NRG3: variants seen among roughly 807,000 people sequenced by gnomAD.
The protein encoded by NRG3 is pro-neuregulin-3, membrane-bound isoform.
A neutral mutation model predicts 66.9 loss-of-function variants in NRG3; 31 were observed. The ratio of observed to expected loss-of-function variants is 0.46; its 90% CI spans 0.35 to 0.63. The LOEUF (loss-of-function observed/expected upper bound fraction) is 0.63. Ranked by LOEUF, NRG3 falls within the 20% of genes least tolerant of loss-of-function variation. The pLI, the probability that NRG3 is intolerant of heterozygous loss-of-function variation, is 0.00. For synonymous variants in NRG3, 393 were observed against 359.4 expected, an observed-to-expected ratio of 1.09 and a Z score of -1.06; for missense variants, 910 against 878.9, an observed-to-expected ratio of 1.04 and a Z score of -0.45.
chr10:82,115,811 G>A (rs1317206750), intron 1 of NRG3, among the ~76,000 whole-genome samples: 3 of 152,078 alleles, frequency 2.0e-5, no homozygotes, highest in Non-Finnish European at 2.9e-5. Flanking sequence ...TAAGTACTGG[G>A]TGACTGCTCA....
intron 1 of NRG3, among the ~76,000 whole-genome samples, chr10:82,336,032 G>C (rs757952165): frequency 3.3e-5 from 5 of 152,168 alleles, no homozygotes; most frequent in Non-Finnish European, 5.9e-5. Flanking sequence ...TGCATAAACA[G>C]ATGAGCTCAG....
At chr10:81,964,577 A>G (rs1384453021) in intron 1 of NRG3, among the ~76,000 whole-genome samples, 1 of 152,082 alleles carries the variant, frequency 6.6e-6, no homozygotes, top group African/African-American at 2.4e-5. Context: ...AAAATTTCTG[A>G]CATTGTTCTT....
chr10:82,285,357 A>G (rs984636180), intron 1 of NRG3, among the ~76,000 whole-genome samples: 16 of 152,194 alleles, frequency 1.1e-4, no homozygotes, highest in Non-Finnish European at 2.1e-4. Flanking sequence ...TCCTGGATCA[A>G]TCCCACTTCT....
At chr10:82,790,223 C>G (rs1281462935) in intron 3 of NRG3, among the ~76,000 whole-genome samples, 3 of 152,016 alleles carry the variant, frequency 2.0e-5, no homozygotes, top group Non-Finnish European at 2.9e-5. Context: ...CTGTCCAGTG[C>G]TTTTTCTATT....
At chr10:82,562,237 C>A (rs2045098695) in intron 2 of NRG3, among the ~76,000 whole-genome samples, 1 of 152,160 alleles carries the variant, frequency 6.6e-6, no homozygotes, top group African/African-American at 2.4e-5. Context: ...ATCATAGTTT[C>A]TATCTCTATT....
At position 81,962,585 on chromosome 10, in the gene NRG3, C is replaced by A. The variant is rs190604588; in HGVS notation, c.823+86422C>A. Among the ~76,000 whole-genome samples, 9 of 152,286 alleles carry A rather than the reference C, an allele frequency of 5.9e-5. No individual in the cohort carries two copies. In the East Asian group the frequency reaches 1.7e-3, roughly 29 times the overall value. ...TAATCCCATGTGAGTCAGAGATGTT[C>A]CAGTTATTGACTGCTGCATAACATT... On this transcript the variant is annotated intron_variant, in intron 1 of 8. Coordinates refer to ENST00000372141, the MANE Select transcript of NRG3 (RefSeq NM_001010848.4).
intron 3 of NRG3, among the ~76,000 whole-genome samples, chr10:82,825,618 T>C (rs570416164): frequency 1.6e-3 from 246 of 152,298 alleles, no homozygotes; most frequent in African/African-American, 5.7e-3. Context: ...TTTTCCCAGC[T>C]TTGCTCTAAA....
chr10:82,323,029 A>G (rs543372334), intron 1 of NRG3, among the ~76,000 whole-genome samples: 14 of 152,338 alleles, frequency 9.2e-5, no homozygotes, highest in African/African-American at 3.1e-4. Flanking sequence ...AGAAAAAGGA[A>G]AAAGGAGAAA....
At chr10:82,481,792 C>T (rs1842291682) in intron 2 of NRG3, among the ~76,000 whole-genome samples, 1 of 152,056 alleles carries the variant, frequency 6.6e-6, no homozygotes, top group South Asian at 2.1e-4. Flanking sequence ...CAAAACCAGC[C>T]TGGCTAACAT....
At chr10:81,996,296 G>T (rs183852567) in intron 1 of NRG3, among the ~76,000 whole-genome samples, 1 of 152,216 alleles carries the variant, frequency 6.6e-6, no homozygotes, top group East Asian at 2.0e-4. Context: ...AGTCTATAGT[G>T]TATCCCTTAG....
At chr10:82,862,431 T>A (rs1244480188) in intron 3 of NRG3, among the ~76,000 whole-genome samples, 1 of 152,174 alleles carries the variant, frequency 6.6e-6, no homozygotes, top group African/African-American at 2.4e-5. Context: ...AAAACACCCC[T>A]TAGATGGAGA....
intron 1 of NRG3, among the ~76,000 whole-genome samples, chr10:82,221,581 A>G (rs937218710): frequency 6.6e-6 from 1 of 152,240 alleles, no homozygotes; most frequent in African/African-American, 2.4e-5. Flanking sequence ...CAAAGCAGAA[A>G]AAAATCAAAC....
At chr10:82,600,785 A>C in intron 2 of NRG3, among the ~76,000 whole-genome samples, 1 of 151,768 alleles carries the variant, frequency 6.6e-6, no homozygotes, top group South Asian at 2.1e-4. Context: ...ATTTATTTTT[A>C]TTTTTTTTAA....
At chr10:81,902,263 G>T (rs989120430) in intron 1 of NRG3, among the ~76,000 whole-genome samples, 71 of 151,868 alleles carry the variant, frequency 4.7e-4, no homozygotes, top group African/African-American at 8.2e-4. Flanking sequence ...TTTTCTCGAG[G>T]TAATGGACAA....
chr10:82,586,648 T>G (rs1565099072), intron 2 of NRG3, among the ~76,000 whole-genome samples: 1 of 152,238 alleles, frequency 6.6e-6, no homozygotes, highest in Non-Finnish European at 1.5e-5. Context: ...AAGTATTTAT[T>G]AAATATATTT....
chr10:82,692,782 GC>G, intron 2 of NRG3, among the ~76,000 whole-genome samples: 1 of 152,336 alleles, frequency 6.6e-6, no homozygotes, highest in East Asian at 1.9e-4. Context: ...TGGAGATTCT[GC>G]AGGGATTCTT....
At chr10:82,350,626 A>T (rs1339410427) in intron 1 of NRG3, among the ~76,000 whole-genome samples, 2 of 152,198 alleles carry the variant, frequency 1.3e-5, no homozygotes, top group Admixed American at 1.3e-4. Context: ...AGAGACATAC[A>T]TGTAGCTGTG....
chr10:82,743,133 C>T (rs1325691583), intron 3 of NRG3, among the ~76,000 whole-genome samples: 1 of 152,092 alleles, frequency 6.6e-6, no homozygotes, highest in East Asian at 1.9e-4. Context: ...TGTCAGAATC[C>T]AGTACTTAGC....
At chr10:82,563,712 A>G (rs899035470) in intron 2 of NRG3, among the ~76,000 whole-genome samples, 1 of 152,070 alleles carries the variant, frequency 6.6e-6, no homozygotes, top group Non-Finnish European at 1.5e-5. Flanking sequence ...TAATTAATAT[A>G]TCCATCATCT....
Sources: gnomAD v4.1 joint callset for allele counts (sites outside exome capture counted in the v4.1 genomes callset) on GRCh38, gnomAD v4.1.1 for gene constraint, MANE v1.5 for transcripts, NCBI Gene and HGNC (gene_info 2026-07-23, HGNC 2026-07-21) for gene names.